Variants in TDRD3 observed in about 807,000 individuals in gnomAD.
TDRD3 encodes tudor domain containing 3, also known as tudor domain-containing protein 3.
Under a neutral mutation model 86.7 loss-of-function variants are expected in TDRD3, and 45 were observed. That is an observed-to-expected ratio of 0.52 (90% confidence interval 0.41 to 0.67). TDRD3 has a LOEUF of 0.67. TDRD3 is among the 30% of genes least tolerant of loss of function. TDRD3 has a pLI of 0.00. For missense variants in TDRD3, 814 were observed against 889.0 expected, an observed-to-expected ratio of 0.92 and a Z score of 1.07; for synonymous variants, 298 against 301.7, an observed-to-expected ratio of 0.99 and a Z score of 0.13.
Position 60,509,760 on chromosome 13 carries a change from C to T in TDRD3, c.859-3C>T. ...AGCCAGCTTTTCTCTTTATTCCTTC[C>T]AGGTTGATGAGAAAGCTCTGAAGCA... is the stretch of plus-strand genomic sequence containing the variant. On this transcript the variant is annotated splice_region_variant and splice_polypyrimidine_tract_variant and intron_variant, in intron 8 of 13. Coordinates refer to ENST00000377881, the MANE Select transcript of TDRD3 (RefSeq NM_001146070.2). 1 of 1,613,398 alleles carries T rather than the reference C, an allele frequency of 6.2e-7. No individual in the cohort carries two copies. The highest frequency in any genetic ancestry group is 2.2e-5 in the East Asian group (1 of 44,840).
Position 60,567,767 on chromosome 13 carries a change from A to G in TDRD3, c.*9+117A>G, listed in dbSNP as rs1322472117. ...AGACGAAGTTTCACTCTTGTTGCCC[A>G]GGCTGGAGTGCAGTGGCGTGATCTC... On this transcript the variant is annotated intron_variant, in intron 13 of 13. Coordinates refer to ENST00000377881, the MANE Select transcript of TDRD3 (RefSeq NM_001146070.2). 6.0e-6 allele frequency: 8 copies of G among 1,339,806 alleles called. No individual in the cohort carries two copies. In the African/African-American group the frequency reaches 1.0e-4, roughly 17 times the overall value. 83.0% of individuals were successfully genotyped at this position (1,339,806 alleles called of 1,614,324 possible). A position where few individuals can be genotyped will look rare whatever the true frequency, so the allele number is the denominator to read the frequency against.
intron 12 of TDRD3, among the ~76,000 whole-genome samples, chr13:60,566,175 A>C (rs1366524691): frequency 6.6e-6 from 1 of 152,190 alleles, no homozygotes; most frequent in Non-Finnish European, 1.5e-5. Flanking sequence ...GCAAAACCGA[A>C]AGATACTACT....
At chr13:60,461,009 A>G (rs1344751066) in intron 4 of TDRD3, 3 of 151,882 alleles carry the variant, frequency 2.0e-5, no homozygotes, top group Non-Finnish European at 4.4e-5. Context: ...TCAAAAATAT[A>G]TATATATAAA....
intron 2 of TDRD3, among the ~76,000 whole-genome samples, chr13:60,443,747 G>T (rs1216991556): frequency 6.6e-6 from 1 of 151,708 alleles, no homozygotes; most frequent in Non-Finnish European, 1.5e-5. Flanking sequence ...CTTTAAGTCT[G>T]TTTTCTTTTA....
intron 7 of TDRD3, among the ~76,000 whole-genome samples, chr13:60,493,284 C>T (rs1229468289): frequency 1.3e-5 from 2 of 152,040 alleles, no homozygotes; most frequent in African/African-American, 4.8e-5. Flanking sequence ...TTACTGTAAT[C>T]ATTTTAAAAC....
Position 60,494,591 on chromosome 13 carries a change from T to A in TDRD3, c.858+16T>A. 2 of 1,601,734 alleles carry A rather than the reference T, an allele frequency of 1.2e-6. No individual in the cohort carries two copies. The highest frequency in any genetic ancestry group is 1.7e-6 in the Non-Finnish European group (2 of 1,175,042). ...TAGAGAACTGGTAAGGCTAAAGAAC[T>A]AACCACAAATTTAAAGTGTTATTTC... is the stretch of plus-strand genomic sequence containing the variant. On this transcript the variant is annotated intron_variant, in intron 8 of 13. Coordinates refer to ENST00000377881, the MANE Select transcript of TDRD3 (RefSeq NM_001146070.2).
chr13:60,517,351 G>A (rs1331934588), intron 10 of TDRD3, among the ~76,000 whole-genome samples: 1 of 152,090 alleles, frequency 6.6e-6, no homozygotes, highest in East Asian at 1.9e-4. Flanking sequence ...GAGAGAATGT[G>A]TATATATTAG....
At chr13:60,413,444 A>G (rs1275769728) in intron 1 of TDRD3, among the ~76,000 whole-genome samples, 1 of 152,122 alleles carries the variant, frequency 6.6e-6, no homozygotes, top group Non-Finnish European at 1.5e-5. Flanking sequence ...CCTTGGGCAC[A>G]TTTCTTAACT....
At chr13:60,538,999 A>G (rs986367215) in intron 12 of TDRD3, among the ~76,000 whole-genome samples, 6 of 152,294 alleles carry the variant, frequency 3.9e-5, no homozygotes, top group Non-Finnish European at 7.4e-5. Flanking sequence ...GGTATCAGGA[A>G]ATGATCATTG....
intron 1 of TDRD3, among the ~76,000 whole-genome samples, chr13:60,435,918 G>GTTTTT (rs767705603): frequency 1.6e-5 from 2 of 124,774 alleles, no homozygotes; most frequent in Non-Finnish European, 3.6e-5. Flanking sequence ...AACATCTATG[G>GTTTTT]TTTTTTTTTT....
rs1392542552 is a variant in TDRD3, at chr13:60,573,809, A to G, written c.*203A>G. 3.1e-5 allele frequency: 8 copies of G among 254,882 alleles called. No homozygotes were observed. Among genetic ancestry groups the G allele is most frequent in the Non-Finnish European group, 4.3e-5 (7 of 162,218 alleles). 15.8% of individuals were successfully genotyped at this position (254,882 alleles called of 1,614,324 possible). A position where few individuals can be genotyped will look rare whatever the true frequency, so the allele number is the denominator to read the frequency against. ...AAAAATACTGAGTTAAATTAAGCAA[A>G]TACCTTTTACAAGTGAAAGGAAGAA... On this transcript the variant is annotated 3_prime_UTR_variant, in exon 14 of 14. Transcript: ENST00000377881.
intron 8 of TDRD3, among the ~76,000 whole-genome samples, chr13:60,506,419 C>G (rs1566253245): frequency 6.6e-6 from 1 of 152,144 alleles, no homozygotes. Context: ...GCAACCGGTA[C>G]TAACCACTGC....
chr13:60,520,111 AT>A (rs1957258635), intron 10 of TDRD3, among the ~76,000 whole-genome samples: 1 of 152,218 alleles, frequency 6.6e-6, no homozygotes, highest in African/African-American at 2.4e-5. Flanking sequence ...ACTGGGCATC[AT>A]AAATATGTTT....
chr13:60,503,190 A>G (rs1462444878), intron 8 of TDRD3, among the ~76,000 whole-genome samples: 1 of 152,242 alleles, frequency 6.6e-6, no homozygotes, highest in Non-Finnish European at 1.5e-5. Context: ...TGAACATTTC[A>G]GTTCTTCATG....
At chr13:60,524,776 G>GAT (rs1957373025) in intron 10 of TDRD3, among the ~76,000 whole-genome samples, 1 of 151,930 alleles carries the variant, frequency 6.6e-6, no homozygotes, top group Non-Finnish European at 1.5e-5. Flanking sequence ...GAATGAAATG[G>GAT]ATATATATGA....
rs747490841 is a variant in TDRD3, at chr13:60,567,589, G to T, written c.2183G>T (p.Arg728Leu). 6 of 1,614,134 alleles carry T rather than the reference G, an allele frequency of 3.7e-6. No individual in the cohort carries two copies. Among genetic ancestry groups the T allele is most frequent in the Non-Finnish European group, 5.1e-6 (6 of 1,180,020 alleles). The change falls in exon 13 of 14, where the codon CGA becomes CTA. Residue 728 changes from arginine (R) to leucine (L), a missense_variant. By Grantham distance (102) the Arg-to-Leu change is moderately radical. Coordinates refer to ENST00000377881, the MANE Select transcript of TDRD3 (RefSeq NM_001146070.2). The part of the protein sequence containing the change: ...FRRGGDGQPR[R>L]STRPTQQFYQ... ...AGGGGAGGTGATGGCCAGCCAAGAC[G>T]ATCCACTCGGCCAACCCAACAGTTT... is the stretch of plus-strand genomic sequence containing the variant.
At chr13:60,563,304 T>A (rs1460943310) in intron 12 of TDRD3, among the ~76,000 whole-genome samples, 6 of 151,432 alleles carry the variant, frequency 4.0e-5, no homozygotes, top group African/African-American at 1.2e-4. Context: ...GGTAAGTATC[T>A]AAGTATTTTC....
chr13:60,510,518 T>A, intron 9 of TDRD3, 112 bp from the exon 10 acceptor site: 1 of 1,143,574 alleles, frequency 8.7e-7, no homozygotes, highest in Non-Finnish European at 1.1e-6. Flanking sequence ...ATACAAAAAA[T>A]ATGAAAAGAA....
intron 5 of TDRD3, among the ~76,000 whole-genome samples, chr13:60,472,371 A>C (rs950509332): frequency 6.6e-6 from 1 of 152,196 alleles, no homozygotes. Context: ...GATGTACAGT[A>C]GTTTAAAACA....
Sources: gnomAD v4.1 joint callset for allele counts (sites outside exome capture counted in the v4.1 genomes callset) on GRCh38, gnomAD v4.1.1 for gene constraint, MANE v1.5 for transcripts, NCBI Gene and HGNC (gene_info 2026-07-23, HGNC 2026-07-21) for gene names.